Variants in TULP4 observed in about 807,000 individuals in gnomAD.
The protein encoded by TULP4 is tubby-related protein 4.
In TULP4, 16 loss-of-function variants were observed where a neutral mutation model predicts 129.0. The ratio of observed to expected loss-of-function variants is 0.12; its 90% CI spans 0.08 to 0.19. The LOEUF is 0.19. Ranked by LOEUF, TULP4 falls within the 10% of genes least tolerant of loss-of-function variation. The probability of loss-of-function intolerance (pLI) is 1.00; values close to 1 mark genes in which losing one functional copy is unlikely to be tolerated. For missense variants in TULP4, 1,842 were observed against 2,059.1 expected, an observed-to-expected ratio of 0.89 and a Z score of 2.04; for synonymous variants, 998 against 854.0, an observed-to-expected ratio of 1.17 and a Z score of -2.94.
At chr6:158,233,486 T>A (rs1777635871) in intron 1 of TULP4, among the ~76,000 whole-genome samples, 1 of 152,372 alleles carries the variant, frequency 6.6e-6, no homozygotes, top group Admixed American at 6.5e-5. Context: ...TCTCCATTTC[T>A]TAGTTGAAGT....
intron 3 of TULP4, among the ~76,000 whole-genome samples, chr6:158,430,237 T>A (rs1458096313): frequency 6.6e-6 from 1 of 152,124 alleles, no homozygotes; most frequent in Non-Finnish European, 1.5e-5. Flanking sequence ...GGAAATGGGA[T>A]GTTTGGTATA....
At chr6:158,406,129 G>A (rs548924343) in intron 1 of TULP4, among the ~76,000 whole-genome samples, 20 of 152,262 alleles carry the variant, frequency 1.3e-4, no homozygotes, top group African/African-American at 4.8e-4. Flanking sequence ...ACGGCCACAG[G>A]TGACAGCTTG....
At chr6:158,435,241 T>G (rs2115076990) in intron 3 of TULP4, among the ~76,000 whole-genome samples, 2 of 152,322 alleles carry the variant, frequency 1.3e-5, no homozygotes, top group East Asian at 3.9e-4. Flanking sequence ...CAAGCAAAGA[T>G]GAGTATCTTG....
chr6:158,459,790 A>T (rs1779384124), intron 5 of TULP4, among the ~76,000 whole-genome samples: 1 of 152,158 alleles, frequency 6.6e-6, no homozygotes, highest in African/African-American at 2.4e-5. Flanking sequence ...TGTTACTACT[A>T]TGACTGTTTA....
chr6:158,237,259 C>T, intron 1 of TULP4: 1 of 1,023,504 alleles, frequency 9.8e-7, no homozygotes, highest in Non-Finnish European at 1.5e-6. Flanking sequence ...TTCTGTGCTT[C>T]TTGCTGTATT....
intron 1 of TULP4, among the ~76,000 whole-genome samples, chr6:158,265,723 CTTTTT>C (rs199605437): frequency 1.3e-5 from 2 of 151,230 alleles, no homozygotes; most frequent in African/African-American, 4.9e-5. Flanking sequence ...AAGGCAAATA[CTTTTT>C]TTTTCTTAAG....
intron 1 of TULP4, among the ~76,000 whole-genome samples, chr6:158,327,297 A>C (rs181088054): frequency 3.3e-5 from 5 of 152,290 alleles, no homozygotes; most frequent in Admixed American, 6.5e-5. Flanking sequence ...GGTCTGCTTT[A>C]GTAACTTTTT....
At chr6:158,365,014 C>A (rs192805916) in intron 1 of TULP4, among the ~76,000 whole-genome samples, 1 of 152,040 alleles carries the variant, frequency 6.6e-6, no homozygotes, top group African/African-American at 2.4e-5. Flanking sequence ...GGATTACAGG[C>A]GTGAGCCACC....
chr6:158,490,455 C>T (rs924468590), intron 9 of TULP4, among the ~76,000 whole-genome samples: 4 of 152,180 alleles, frequency 2.6e-5, no homozygotes, highest in Admixed American at 6.5e-5. Flanking sequence ...ATCAACACAT[C>T]GCATCCACTG....
intron 12 of TULP4, among the ~76,000 whole-genome samples, chr6:158,501,089 T>C (rs1278760499): frequency 1.3e-5 from 2 of 152,046 alleles, no homozygotes; most frequent in Non-Finnish European, 2.9e-5. Context: ...AAAAAAAAAT[T>C]AGGAAATGAT....
chr6:158,395,073 TC>T (rs754801063), intron 1 of TULP4, among the ~76,000 whole-genome samples: 8 of 152,092 alleles, frequency 5.3e-5, no homozygotes, highest in Non-Finnish European at 1.2e-4. Context: ...GCCCCCATGA[TC>T]CAGTCACCTC....
At chr6:158,390,926 TA>T (rs1777569369) in intron 1 of TULP4, among the ~76,000 whole-genome samples, 1 of 152,024 alleles carries the variant, frequency 6.6e-6, no homozygotes, top group Non-Finnish European at 1.5e-5. Flanking sequence ...TCTGTCTCTA[TA>T]AAAAGTAAAA....
At chr6:158,316,268 C>T (rs1779491937) in intron 1 of TULP4, among the ~76,000 whole-genome samples, 1 of 81,574 alleles carries the variant, frequency 1.2e-5, no homozygotes, top group East Asian at 4.0e-4. Flanking sequence ...GCGTGTGGAC[C>T]TGTGCATTCA....
chr6:158,449,428 C>A (rs771536337), intron 4 of TULP4, among the ~76,000 whole-genome samples: 4 of 152,096 alleles, frequency 2.6e-5, no homozygotes, highest in South Asian at 2.1e-4. Flanking sequence ...TTAGCTTTTC[C>A]TAGATATAAA....
intron 1 of TULP4, among the ~76,000 whole-genome samples, chr6:158,342,387 C>T (rs1335244718): frequency 1.3e-5 from 2 of 152,336 alleles, no homozygotes; most frequent in East Asian, 3.9e-4. Context: ...ACATGAGTCA[C>T]ATTTTCACTT....
At chr6:158,432,662 A>G (rs998934098) in intron 3 of TULP4, among the ~76,000 whole-genome samples, 2 of 152,224 alleles carry the variant, frequency 1.3e-5, no homozygotes, top group African/African-American at 4.8e-5. Context: ...GGAGATTGAG[A>G]CCATCCTGGC....
intron 1 of TULP4, among the ~76,000 whole-genome samples, chr6:158,328,132 GCGTGCT>G: frequency 4.1e-5 from 1 of 24,344 alleles, no homozygotes; most frequent in South Asian, 1.2e-3. Flanking sequence ...GTGTGTGCGT[GCGTGCT>G]GGGAAAGAGG....
chr6:158,285,718 C>CGCCCT (rs1321894324), intron 1 of TULP4, among the ~76,000 whole-genome samples: 4 of 152,206 alleles, frequency 2.6e-5, no homozygotes, highest in East Asian at 1.9e-4. Flanking sequence ...GTTCCCCTGT[C>CGCCCT]GCCCTGCCCT....
At chr6:158,276,288 C>CCTTCTTTCTT (rs1778644285) in intron 1 of TULP4, among the ~76,000 whole-genome samples, 1 of 142,914 alleles carries the variant, frequency 7.0e-6, no homozygotes, top group Non-Finnish European at 1.5e-5. Flanking sequence ...TTTTCTTCTT[C>CCTTCTTTCTT]CTTCTTTCTT....
Sources: gnomAD v4.1 joint callset for allele counts (sites outside exome capture counted in the v4.1 genomes callset) on GRCh38, gnomAD v4.1.1 for gene constraint, MANE v1.5 for transcripts, NCBI Gene and HGNC (gene_info 2026-07-23, HGNC 2026-07-21) for gene names.